TBL1XR1: variants seen among roughly 807,000 people sequenced by gnomAD.
TBL1XR1 encodes F-box-like/WD repeat-containing protein TBL1XR1.
Under a neutral mutation model 66.9 loss-of-function variants are expected in TBL1XR1, and 5 were observed. The ratio of observed to expected loss-of-function variants is 0.07; its 90% CI spans 0.04 to 0.16. TBL1XR1 has a LOEUF of 0.16. Among genes scored for constraint, TBL1XR1 ranks in the 10% least tolerant of loss-of-function variants. The pLI is 1.00. For missense variants in TBL1XR1, 238 were observed against 623.2 expected (o/e 0.38, Z 6.58); for synonymous variants, 210 against 206.0 (o/e 1.02, Z -0.17).
intron 1 of TBL1XR1, among the ~76,000 whole-genome samples, chr3:177,177,756 A>G (rs13064167): frequency 0.5 from 75,963 of 151,952 alleles, 19,829 homozygotes; most frequent in Non-Finnish European, 0.57. Flanking sequence ...TAAGACAACA[A>G]TCCACTCAAC....
chr3:177,195,271 C>T (rs535917778), intron 1 of TBL1XR1, among the ~76,000 whole-genome samples: 4 of 152,132 alleles, frequency 2.6e-5, no homozygotes, highest in South Asian at 4.1e-4. Flanking sequence ...ACACGCCTAA[C>T]TGCTCTCAGG....
intron 14 of TBL1XR1, among the ~76,000 whole-genome samples, chr3:177,030,106 ATG>A (rs926533880): frequency 7.6e-4 from 113 of 147,924 alleles, no homozygotes; most frequent in Non-Finnish European, 1.2e-3. Flanking sequence ...GTGTGTGTGT[ATG>A]TGTGTGTGTG....
chr3:177,172,406 A>T (rs1733639098), intron 1 of TBL1XR1, among the ~76,000 whole-genome samples: 1 of 152,058 alleles, frequency 6.6e-6, no homozygotes, highest in Non-Finnish European at 1.5e-5. Flanking sequence ...AAGAAAAAAA[A>T]CCCAATTAAT....
intron 2 of TBL1XR1, among the ~76,000 whole-genome samples, chr3:177,072,963 T>C (rs1299174471): frequency 2.0e-5 from 3 of 151,690 alleles, no homozygotes; most frequent in Admixed American, 6.6e-5. Flanking sequence ...ACTTGGGGGG[T>C]TGGGGCAGGA....
intron 1 of TBL1XR1, chr3:177,131,357 A>G (rs1185500452): frequency 1.0e-6 from 1 of 985,186 alleles, no homozygotes; most frequent in African/African-American, 1.7e-5. Context: ...AGAGAATCAC[A>G]CTCACTTTTA....
intron 1 of TBL1XR1, among the ~76,000 whole-genome samples, chr3:177,155,300 CCT>C (rs1731358444): frequency 6.6e-6 from 1 of 152,072 alleles, no homozygotes; most frequent in Admixed American, 6.6e-5. Flanking sequence ...AAAACTGATA[CCT>C]CTCACTAAAC....
At chr3:177,058,003 A>C (rs963164796) in intron 3 of TBL1XR1, among the ~76,000 whole-genome samples, 5 of 152,098 alleles carry the variant, frequency 3.3e-5, no homozygotes, top group Admixed American at 2.6e-4. Context: ...GATGTTAGGG[A>C]CTGTGTTCTC....
chr3:177,146,556 C>CT (rs1248201754), intron 1 of TBL1XR1, among the ~76,000 whole-genome samples: 2 of 125,902 alleles, frequency 1.6e-5, no homozygotes, highest in African/African-American at 6.0e-5. Context: ...CGCCACTGCA[C>CT]TCCAGCCTGG....
At chr3:177,085,651 T>C (rs570445636) in intron 2 of TBL1XR1, among the ~76,000 whole-genome samples, 1 of 152,274 alleles carries the variant, frequency 6.6e-6, no homozygotes, top group Non-Finnish European at 1.5e-5. Flanking sequence ...CAATAGGATG[T>C]ATAGGAAAAT....
intron 1 of TBL1XR1, among the ~76,000 whole-genome samples, chr3:177,109,202 T>G (rs557745073): frequency 6.6e-6 from 1 of 152,294 alleles, no homozygotes; most frequent in Admixed American, 6.5e-5. Flanking sequence ...AATTGTCAAT[T>G]TCATACCTTT....
chr3:177,147,833 T>C (rs1300284013), intron 1 of TBL1XR1, among the ~76,000 whole-genome samples: 1 of 152,180 alleles, frequency 6.6e-6, no homozygotes, highest in African/African-American at 2.4e-5. Flanking sequence ...GGAGGTCCTG[T>C]AGGGAGAAGC....
At chr3:177,149,994 C>A (rs1053116019) in intron 1 of TBL1XR1, among the ~76,000 whole-genome samples, 2 of 152,034 alleles carry the variant, frequency 1.3e-5, no homozygotes, top group African/African-American at 2.4e-5. Context: ...TATTTGTTAT[C>A]CCAGATTATC....
At chr3:177,133,756 G>T (rs756738802) in intron 1 of TBL1XR1, among the ~76,000 whole-genome samples, 3 of 151,556 alleles carry the variant, frequency 2.0e-5, no homozygotes, top group Non-Finnish European at 4.4e-5. Context: ...ACAAAAATTA[G>T]CTGGGCATGG....
At chr3:177,175,312 GA>G (rs750628393) in intron 1 of TBL1XR1, among the ~76,000 whole-genome samples, 38 of 151,770 alleles carry the variant, frequency 2.5e-4, no homozygotes, top group African/African-American at 8.0e-4. Flanking sequence ...GATATTAAAG[GA>G]AAAAAAATCA....
chr3:177,163,569 A>G (rs951340100), intron 1 of TBL1XR1, among the ~76,000 whole-genome samples: 2 of 152,148 alleles, frequency 1.3e-5, no homozygotes, highest in East Asian at 1.9e-4. Context: ...ATATAAGGTA[A>G]AAACAGCAAA....
In TBL1XR1 at chr3:177,046,173, T is replaced by A; in HGVS notation, c.881A>T (p.Asp294Val). ...AGVDKTTIIW[D>V]AHTGEAKQQF... is the part of the protein sequence containing the mutation. Reference sequence around the variant, plus strand: ...TTGCTTGGCTTCACCAGTATGTGCGTCCCAAATAATTGTAGTCTGAGATTA... The same window carrying A: ...TTGCTTGGCTTCACCAGTATGTGCGACCCAAATAATTGTAGTCTGAGATTA... The change falls in exon 10 of 16, where the codon GAC becomes GTC. Residue 294 changes from aspartate to valine, a missense_variant. Asp to Val is a radical substitution (Grantham distance 152). This residue lies in a region of TBL1XR1 where 89 missense variants were observed against 220.2 expected (regional missense o/e 0.40). Coordinates refer to ENST00000457928, the MANE Select transcript of TBL1XR1 (RefSeq NM_024665.7). 1 of 1,537,888 alleles carries A rather than the reference T, an allele frequency of 6.5e-7. No homozygotes were observed. Among genetic ancestry groups the A allele is most frequent in the East Asian group, 2.4e-5 (1 of 40,854 alleles).
At position 177,053,490 on chromosome 3, in the gene TBL1XR1, A is replaced by AC. The variant is rs147407525; in HGVS notation, c.204+282_204+283insG. On this transcript the variant is annotated intron_variant, in intron 4 of 15. Transcript: ENST00000457928. ...TACAATTTTCAGGCCAATAATTATG[A>AC]TCTTAGCATTCCACAGCACAATGCT... Among the ~76,000 whole-genome samples, 23 of 152,310 alleles carry AC rather than the reference A, an allele frequency of 1.5e-4. No homozygotes were observed. In the East Asian group the frequency reaches 4.2e-3, roughly 28 times the overall value.
intron 7 of TBL1XR1, 192 bp from the exon 8 acceptor site, chr3:177,047,741 T>C (rs1473292967): frequency 6.9e-6 from 4 of 580,288 alleles, no homozygotes; most frequent in Non-Finnish European, 1.2e-5. Context: ...ACACTAATGT[T>C]GTATGGGGGC....
At chr3:177,126,115 G>A (rs1727594410) in intron 1 of TBL1XR1, 1 of 152,218 alleles carries the variant, frequency 6.6e-6, no homozygotes, top group Non-Finnish European at 1.5e-5. Context: ...CTGCCAAAGT[G>A]AGCATCAGTT....
Sources: allele counts gnomAD v4.1 joint callset (sites outside exome capture counted in the v4.1 genomes callset), GRCh38; gene constraint gnomAD v4.1.1; regional missense constraint gnomAD v4.1.1; transcripts MANE v1.5; gene names NCBI Gene and HGNC (gene_info 2026-07-23, HGNC 2026-07-21).